VSNL1: variants seen among roughly 807,000 people sequenced by gnomAD.
The protein encoded by VSNL1 is visinin like 1, also known as visinin-like protein 1.
A neutral mutation model predicts 20.4 loss-of-function variants in VSNL1; 6 were observed. The observed-to-expected ratio is 0.29, with a 90% confidence interval of 0.16 to 0.58. VSNL1 has a LOEUF of 0.58. Ranked by LOEUF, VSNL1 falls within the 20% of genes least tolerant of loss-of-function variation. The probability of loss-of-function intolerance (pLI) is 0.90; values close to 1 mark genes in which losing one functional copy is unlikely to be tolerated. For synonymous variants in VSNL1, 93 were observed against 86.4 expected (o/e 1.08, Z -0.42); for missense variants, 100 against 234.5 (o/e 0.43, Z 3.75).
chr2:17,643,266 C>T (rs549560474), intron 2 of VSNL1, among the ~76,000 whole-genome samples: 4 of 152,300 alleles, frequency 2.6e-5, no homozygotes, highest in Admixed American at 1.3e-4. Flanking sequence ...TTTTTGGACT[C>T]ACCATTTCTA....
At chr2:17,586,286 A>G (rs1407159993) in intron 1 of VSNL1, among the ~76,000 whole-genome samples, 1 of 152,118 alleles carries the variant, frequency 6.6e-6, no homozygotes, top group Non-Finnish European at 1.5e-5. Flanking sequence ...GCATTTCCCA[A>G]GTTGACTCAT....
At chr2:17,644,625 T>A (rs975876299) in intron 2 of VSNL1, among the ~76,000 whole-genome samples, 16 of 152,182 alleles carry the variant, frequency 1.1e-4, no homozygotes, top group African/African-American at 3.4e-4. Context: ...CACCCCTTAG[T>A]GATGTGACCT....
intron 2 of VSNL1, among the ~76,000 whole-genome samples, chr2:17,638,810 G>A (rs1665817160): frequency 6.6e-6 from 1 of 152,220 alleles, no homozygotes; most frequent in Non-Finnish European, 1.5e-5. Context: ...TACTCCTTAG[G>A]GAAAGGAATA....
chr2:17,653,838 T>G (rs1396269865), intron 3 of VSNL1, among the ~76,000 whole-genome samples: 1 of 152,174 alleles, frequency 6.6e-6, no homozygotes, highest in Non-Finnish European at 1.5e-5. Context: ...TAATGTAAAT[T>G]TAAAACATTT....
chr2:17,574,648 G>C (rs908026349), intron 1 of VSNL1, among the ~76,000 whole-genome samples: 1 of 152,176 alleles, frequency 6.6e-6, no homozygotes, highest in African/African-American at 2.4e-5. Context: ...AATACTCAGG[G>C]ATTTTCCTTT....
intron 1 of VSNL1, among the ~76,000 whole-genome samples, chr2:17,562,406 T>G (rs1663837468): frequency 6.6e-6 from 1 of 152,212 alleles, no homozygotes; most frequent in Admixed American, 6.5e-5. Flanking sequence ...ATTTTATTTT[T>G]CAAGATGAAC....
At chr2:17,645,480 T>C (rs1050559463) in intron 2 of VSNL1, among the ~76,000 whole-genome samples, 2 of 152,192 alleles carry the variant, frequency 1.3e-5, no homozygotes, top group African/African-American at 4.8e-5. Context: ...AGGGCTGGGA[T>C]AGGGGTGCAG....
chr2:17,564,872 C>G (rs183881049), intron 1 of VSNL1, among the ~76,000 whole-genome samples: 1 of 152,002 alleles, frequency 6.6e-6, no homozygotes, highest in East Asian at 1.9e-4. Context: ...ACAAAGTAGT[C>G]GTAAGATTAC....
intron 2 of VSNL1, among the ~76,000 whole-genome samples, chr2:17,596,957 C>T (rs544987477): frequency 2.6e-5 from 4 of 152,212 alleles, no homozygotes; most frequent in African/African-American, 4.8e-5. Context: ...TCCTGATTGA[C>T]GATCCTCTCA....
At chr2:17,635,678 G>A (rs1460753298) in intron 2 of VSNL1, among the ~76,000 whole-genome samples, 1 of 152,186 alleles carries the variant, frequency 6.6e-6, no homozygotes, top group Non-Finnish European at 1.5e-5. Flanking sequence ...TCAGAGGACT[G>A]TTGTGAGAAT....
chr2:17,630,230 C>T lies in VSNL1; in HGVS notation c.163-19180C>T, dbSNP rs374271570. On this transcript the variant is annotated intron_variant, in intron 2 of 3. Coordinates refer to ENST00000295156, the MANE Select transcript of VSNL1 (RefSeq NM_003385.5). ...GAGGTAGGGTTTCACCATGGACCCA[C>T]CTCATCTGCCTAGGCATTTGGCTGC... Among the ~76,000 whole-genome samples the T allele has an allele frequency of 1.4e-3, 216 of 152,342 alleles. 1 individual carries two copies. The highest frequency in any genetic ancestry group is 2.2e-3 in the Non-Finnish European group (152 of 68,034).
At chr2:17,645,202 G>A (rs543536971) in intron 2 of VSNL1, among the ~76,000 whole-genome samples, 11 of 152,382 alleles carry the variant, frequency 7.2e-5, no homozygotes, top group African/African-American at 2.4e-4. Flanking sequence ...GCCCTGGAGA[G>A]AGGCATCCTC....
intron 2 of VSNL1, among the ~76,000 whole-genome samples, chr2:17,635,888 A>C (rs563358403): frequency 6.6e-6 from 1 of 152,154 alleles, no homozygotes; most frequent in African/African-American, 2.4e-5. Flanking sequence ...AAAGTGCCCT[A>C]CTCAAGGCCA....
chr2:17,627,183 C>T (rs1174539068), intron 2 of VSNL1, among the ~76,000 whole-genome samples: 2 of 152,316 alleles, frequency 1.3e-5, no homozygotes, highest in Non-Finnish European at 2.9e-5. Flanking sequence ...ATAAGCAACC[C>T]TCAAACAATC....
chr2:17,545,695 AATGGAAGGG>A, intron 1 of VSNL1, among the ~76,000 whole-genome samples: 1 of 152,220 alleles, frequency 6.6e-6, no homozygotes, highest in African/African-American at 2.4e-5. Flanking sequence ...AACTTTTACT[AATGGAAGGG>A]TCTTGGGGAT....
chr2:17,636,354 G>C (rs1254765086), intron 2 of VSNL1, among the ~76,000 whole-genome samples: 1 of 152,142 alleles, frequency 6.6e-6, no homozygotes, highest in Non-Finnish European at 1.5e-5. Context: ...GAGGCTTATG[G>C]TTTTCCAGGA....
chr2:17,542,407 C>A (rs920173418), intron 1 of VSNL1, among the ~76,000 whole-genome samples: 2 of 152,228 alleles, frequency 1.3e-5, no homozygotes, highest in Admixed American at 6.5e-5. Context: ...ATAAGCAAAT[C>A]CAATTTTGGG....
At position 17,609,183 on chromosome 2, in the gene VSNL1, G is replaced by A. The variant is rs571442542; in HGVS notation, c.162+16947G>A. Among the ~76,000 whole-genome samples the A allele has an allele frequency of 2.6e-5, 4 of 152,200 alleles. No individual in the cohort carries two copies. The South Asian group carries it at 6.2e-4, about 24-fold the overall frequency. On this transcript the variant is annotated intron_variant, in intron 2 of 3. Coordinates refer to ENST00000295156, the MANE Select transcript of VSNL1 (RefSeq NM_003385.5). ...GGCCTCGGTCTCTTTCTCTTTTCGTGCTCCTTCCTAGGGTGTTGCTGTGAT... is the reference window on the plus strand; with the variant it reads ...GGCCTCGGTCTCTTTCTCTTTTCGTACTCCTTCCTAGGGTGTTGCTGTGAT...
intron 1 of VSNL1, among the ~76,000 whole-genome samples, chr2:17,574,492 G>A (rs62131540): frequency 0.033 from 5,025 of 152,166 alleles, 87 homozygotes; most frequent in East Asian, 0.097. Context: ...TCAGATTTTA[G>A]CTAATATTCC....
Sources: gnomAD v4.1 joint callset for allele counts (sites outside exome capture counted in the v4.1 genomes callset) on GRCh38, gnomAD v4.1.1 for gene constraint, MANE v1.5 for transcripts, NCBI Gene and HGNC (gene_info 2026-07-23, HGNC 2026-07-21) for gene names.